The following MAP2K1 variants were observed in gnomAD, a reference collection of about 807,000 sequenced individuals.
MAP2K1 encodes the protein dual specificity mitogen-activated protein kinase kinase 1.
MAP2K1 carries 16 observed loss-of-function variants against 46.3 expected under a neutral mutation model. The observed-to-expected ratio is 0.35, with a 90% CI of 0.23 to 0.52. The LOEUF (loss-of-function observed/expected upper bound fraction) is 0.52. Among genes scored for constraint, MAP2K1 ranks in the 20% least tolerant of loss-of-function variants. The pLI is 0.94. For missense variants in MAP2K1, 263 were observed against 497.1 expected (o/e 0.53, Z 4.48); for synonymous variants, 183 against 185.6 (o/e 0.99, Z 0.11).
intron 5 of MAP2K1, among the ~76,000 whole-genome samples, chr15:66,454,356 A>G (rs1268779033): frequency 6.6e-6 from 1 of 152,206 alleles, no homozygotes; most frequent in Non-Finnish European, 1.5e-5. Flanking sequence ...CTTGTTGTGT[A>G]ACCTTGGATG....
chr15:66,415,407 T>C (rs562878724), intron 1 of MAP2K1, among the ~76,000 whole-genome samples: 1 of 152,330 alleles, frequency 6.6e-6, no homozygotes, highest in East Asian at 1.9e-4. Context: ...AACATCCTCC[T>C]AACCCCCAAA....
intron 4 of MAP2K1, 69 bp downstream of exon 4, chr15:66,443,426 CAA>C (rs1891774491): frequency 1.0e-6 from 1 of 978,434 alleles, no homozygotes; most frequent in African/African-American, 1.6e-5. Context: ...AAGAAATGGA[CAA>C]GAGAGGAAGA....
rs2140511706 is a variant in MAP2K1, at chr15:66,387,393, G to C, written c.46G>C (p.Asp16His). 1 of 1,565,814 alleles carries C rather than the reference G, an allele frequency of 6.4e-7. No individual in the cohort carries two copies. The highest frequency in any genetic ancestry group is 8.7e-7 in the Non-Finnish European group (1 of 1,154,486). Reference protein sequence around the residue: ...PTPIQLNPAPDGSAVNGTSSA... With the variant: ...PTPIQLNPAPHGSAVNGTSSA... ...GCCCATCCAGCTGAACCCGGCCCCCGACGGCTCTGCAGTTAACGGGACCAG... is the reference window on the plus strand; with the variant it reads ...GCCCATCCAGCTGAACCCGGCCCCCCACGGCTCTGCAGTTAACGGGACCAG... The change falls in exon 1 of 11, where the codon GAC becomes CAC. Residue 16 changes from aspartate (D) to histidine (H), a missense_variant. Asp to His is a moderately conservative substitution (Grantham distance 81). This residue lies in a region of MAP2K1 where 31 missense variants were observed against 29.9 expected (regional missense o/e 1.04). Coordinates refer to ENST00000307102, the MANE Select transcript of MAP2K1 (RefSeq NM_002755.4).
chr15:66,490,061 A>C, intron 10 of MAP2K1: 1 of 552,308 alleles, frequency 1.8e-6, no homozygotes. Flanking sequence ...CCTAATACTG[A>C]CTGCCTCATC....
At chr15:66,391,268 A>G (rs189885713) in intron 1 of MAP2K1, among the ~76,000 whole-genome samples, 1 of 152,252 alleles carries the variant, frequency 6.6e-6, no homozygotes, top group Admixed American at 6.5e-5. Context: ...TCTCCTGTAC[A>G]CTATAAACTT....
chr15:66,460,376 G>A (rs922412298), intron 5 of MAP2K1, among the ~76,000 whole-genome samples: 2 of 152,216 alleles, frequency 1.3e-5, no homozygotes, highest in African/African-American at 4.8e-5. Context: ...TTTGAGCTGA[G>A]CTTTGAAGCA....
At chr15:66,429,515 A>G (rs2093468836) in intron 1 of MAP2K1, among the ~76,000 whole-genome samples, 1 of 152,186 alleles carries the variant, frequency 6.6e-6, no homozygotes, top group Non-Finnish European at 1.5e-5. Context: ...CACAGAGCAC[A>G]TATACACATT....
At chr15:66,401,974 A>C in intron 1 of MAP2K1, 1 of 1,343,726 alleles carries the variant, frequency 7.4e-7, no homozygotes, top group Non-Finnish European at 9.8e-7. Flanking sequence ...TTGTGGTTCC[A>C]GGCTGAACAT....
chr15:66,430,482 C>A (rs745858543), intron 1 of MAP2K1, among the ~76,000 whole-genome samples: 2 of 152,114 alleles, frequency 1.3e-5, no homozygotes, highest in Non-Finnish European at 2.9e-5. Context: ...GTTTGGAGAT[C>A]CCATTTCTTT....
In MAP2K1 at chr15:66,490,499, C is replaced by T; in HGVS notation, c.1069-3C>T. On this transcript the variant is annotated splice_region_variant and splice_polypyrimidine_tract_variant and intron_variant, in intron 10 of 10. Coordinates refer to ENST00000307102, the MANE Select transcript of MAP2K1 (RefSeq NM_002755.4). ...CCACGTCCTCTCGTTTCCTTACATG[C>T]AGGTTCATGCTTTTATCAAGAGATC... is the stretch of plus-strand genomic sequence containing the variant. The T allele has an allele frequency of 1.3e-6, 2 of 1,599,446 alleles. No individual in the cohort carries two copies. Among genetic ancestry groups the T allele is most frequent in the East Asian group, 2.2e-5 (1 of 44,822 alleles).
chr15:66,449,301 A>G (rs1317574005), intron 5 of MAP2K1, among the ~76,000 whole-genome samples: 2 of 152,168 alleles, frequency 1.3e-5, no homozygotes, highest in Non-Finnish European at 2.9e-5. Context: ...GAATAAAACT[A>G]TTGATACATA....
chr15:66,483,494 A>G (rs1197177744), intron 6 of MAP2K1, among the ~76,000 whole-genome samples: 1 of 152,182 alleles, frequency 6.6e-6, no homozygotes, highest in African/African-American at 2.4e-5. Flanking sequence ...TTGTGGTTAT[A>G]TGGTCAGTTA....
chr15:66,389,175 G>T (rs1170971911), intron 1 of MAP2K1, among the ~76,000 whole-genome samples: 1 of 152,062 alleles, frequency 6.6e-6, no homozygotes, highest in Non-Finnish European at 1.5e-5. Context: ...GAAAATGCTG[G>T]GATTACAGGC....
At chr15:66,399,619 T>A (rs1481332914) in intron 1 of MAP2K1, among the ~76,000 whole-genome samples, 1 of 152,082 alleles carries the variant, frequency 6.6e-6, no homozygotes, top group Middle Eastern at 3.2e-3. Flanking sequence ...TACACCCAGC[T>A]ATTTTTTTTC....
intron 4 of MAP2K1, 75 bp from the exon 5 acceptor site, chr15:66,444,581 A>G (rs752463710): frequency 7.5e-6 from 8 of 1,062,014 alleles, no homozygotes; most frequent in Non-Finnish European, 1.2e-5. Context: ...GTATTTTCCT[A>G]GAGTATTTTA....
intron 5 of MAP2K1, among the ~76,000 whole-genome samples, chr15:66,455,911 G>C (rs1320353403): frequency 6.6e-6 from 1 of 152,224 alleles, no homozygotes; most frequent in East Asian, 1.9e-4. Context: ...GAAACAATCT[G>C]TGTGGTTTAG....
At chr15:66,409,203 T>C (rs904809843) in intron 1 of MAP2K1, among the ~76,000 whole-genome samples, 3 of 152,150 alleles carry the variant, frequency 2.0e-5, no homozygotes, top group African/African-American at 7.2e-5. Flanking sequence ...CTGATTCTGG[T>C]TAAAGGACTT....
intron 5 of MAP2K1, among the ~76,000 whole-genome samples, chr15:66,466,579 C>CT (rs1892474037): frequency 6.6e-6 from 1 of 152,086 alleles, no homozygotes; most frequent in African/African-American, 2.4e-5. Flanking sequence ...ACTCAGGAGT[C>CT]TGAGACCCAA....
intron 5 of MAP2K1, among the ~76,000 whole-genome samples, chr15:66,475,797 T>C (rs1044607105): frequency 1.3e-5 from 2 of 152,182 alleles, no homozygotes; most frequent in African/African-American, 4.8e-5. Flanking sequence ...CGTGCACATG[T>C]TCTTGTCATT....
Sources: gnomAD v4.1 joint callset for allele counts (sites outside exome capture counted in the v4.1 genomes callset) on GRCh38, gnomAD v4.1.1 for gene constraint, gnomAD v4.1.1 regional missense constraint, MANE v1.5 for transcripts, NCBI Gene and HGNC (gene_info 2026-07-23, HGNC 2026-07-21) for gene names.